The following ITCH variants were observed in gnomAD, a reference collection of about 807,000 sequenced individuals.
The protein encoded by ITCH is E3 ubiquitin-protein ligase Itchy homolog.
Under a neutral mutation model 126.8 loss-of-function variants are expected in ITCH, and 28 were observed. That is an observed-to-expected ratio of 0.22 (90% confidence interval 0.16 to 0.30). The LOEUF is 0.30. ITCH is among the 10% of genes least tolerant of loss of function. The probability of loss-of-function intolerance (pLI) is 1.00; values close to 1 mark genes in which losing one functional copy is unlikely to be tolerated. For missense variants in ITCH, 631 were observed against 1,032.4 expected, an observed-to-expected ratio of 0.61 and a Z score of 5.33; for synonymous variants, 342 against 340.0, an observed-to-expected ratio of 1.01 and a Z score of -0.06.
intron 16 of ITCH, among the ~76,000 whole-genome samples, chr20:34,472,562 A>G (rs1189366486): frequency 6.6e-6 from 1 of 152,206 alleles, no homozygotes; most frequent in Non-Finnish European, 1.5e-5. Context: ...CAGATGTGGA[A>G]GTGATTATTT....
At chr20:34,503,870 G>GTTTGTTT (rs1990433534) in intron 23 of ITCH, among the ~76,000 whole-genome samples, 1 of 56,048 alleles carries the variant, frequency 1.8e-5, no homozygotes, top group Non-Finnish European at 3.8e-5. Flanking sequence ...TTTTTTTTTG[G>GTTTGTTT]TTTTTTTTTT....
rs1310346397 is a variant in ITCH at position 34,442,250 on chromosome 20, A to G, written c.912A>G (p.Val304=). The change falls in exon 10 of 25, where the codon GTA becomes GTG. Residue 304 remains valine (V), a synonymous_variant. Transcript: ENST00000374864. The part of the protein sequence containing the change: ...RVDQHGRVYY[V]DHVEKRTTWD... ...ACCAGCACGGGCGAGTTTACTATGT[A>G]GATCATGTTGAGAAAAGAACAACAT... 3.7e-6 allele frequency: 6 copies of G among 1,614,112 alleles called. No homozygotes were observed. The highest frequency in any genetic ancestry group is 2.2e-5 in the South Asian group (2 of 91,088).
intron 1 of ITCH, 44 bp from the exon 2 acceptor site, chr20:34,369,350 A>AAAG: frequency 2.5e-6 from 1 of 398,748 alleles, no homozygotes; most frequent in Non-Finnish European, 4.4e-6. Context: ...ACAAACAAAA[A>AAAG]AATATAGAAG....
intron 3 of ITCH, among the ~76,000 whole-genome samples, chr20:34,408,392 T>C (rs567096848): frequency 1.3e-5 from 2 of 152,222 alleles, no homozygotes; most frequent in African/African-American, 4.8e-5. Flanking sequence ...TACTTTTTAA[T>C]TGATCTGAGT....
chr20:34,387,638 CCT>C (rs1011379312), intron 2 of ITCH, among the ~76,000 whole-genome samples: 2 of 151,886 alleles, frequency 1.3e-5, no homozygotes, highest in African/African-American at 4.8e-5. Context: ...AAAAAAAGAC[CCT>C]GTTTTGAGTT....
At chr20:34,502,444 C>T (rs1990317099) in intron 23 of ITCH, among the ~76,000 whole-genome samples, 1 of 152,070 alleles carries the variant, frequency 6.6e-6, no homozygotes, top group South Asian at 2.1e-4. Context: ...GGTACAGTGA[C>T]TCACACCTGT....
At chr20:34,474,018 G>A (rs371191713) in intron 16 of ITCH, among the ~76,000 whole-genome samples, 119 of 152,170 alleles carry the variant, frequency 7.8e-4, no homozygotes, top group African/African-American at 2.8e-3. Context: ...TATCTTCTAG[G>A]TAAACAGATG....
chr20:34,418,869 C>T (rs992968402), intron 6 of ITCH, among the ~76,000 whole-genome samples: 4 of 144,922 alleles, frequency 2.8e-5, no homozygotes, highest in Non-Finnish European at 4.5e-5. Flanking sequence ...TCAAGCAATT[C>T]TCCTGCCTCA....
chr20:34,441,164 C>T (rs548319617), intron 9 of ITCH, among the ~76,000 whole-genome samples: 15 of 151,920 alleles, frequency 9.9e-5, no homozygotes, highest in African/African-American at 2.4e-4. Context: ...CCCAGCTACT[C>T]GGGAGGCTGA....
At position 34,402,752 on chromosome 20, in the gene ITCH, C is replaced by T. The variant is rs369902832; in HGVS notation, c.71-5899C>T. On this transcript the variant is annotated intron_variant, in intron 3 of 24. Transcript: ENST00000374864. ...ATTTCAAATCTCATGTTGACCTCAG[C>T]TTCTCCACCGGGTTGTTGGCTCATC... 30 of 311,276 alleles carry T rather than the reference C, an allele frequency of 9.6e-5. No individual in the cohort carries two copies. The South Asian group carries it at 1.2e-3, about 13-fold the overall frequency. The allele number at this position is 311,276 out of a possible 1,614,324, so 19.3% of individuals were successfully genotyped here.
chr20:34,494,819 C>T lies in ITCH; in HGVS notation c.2416+2222C>T, dbSNP rs896511331. On this transcript the variant is annotated intron_variant, in intron 23 of 24. Transcript: ENST00000374864. ...ACAGAAAATTTAGAAGTTAGCTGAGCGTGGTGGTACATGCCTGTAGTCCCT... is the reference window on the plus strand; with the variant it reads ...ACAGAAAATTTAGAAGTTAGCTGAGTGTGGTGGTACATGCCTGTAGTCCCT... 1.3e-4 allele frequency among the ~76,000 whole-genome samples: 19 copies of T among 151,776 alleles called. 1 individual carries two copies. Among genetic ancestry groups the T allele is most frequent in the African/African-American group, 3.9e-4 (16 of 41,390 alleles).
At chr20:34,376,662 G>A (rs1355217997) in intron 2 of ITCH, among the ~76,000 whole-genome samples, 1 of 151,952 alleles carries the variant, frequency 6.6e-6, no homozygotes, top group Non-Finnish European at 1.5e-5. Flanking sequence ...CTGGTAATAG[G>A]CAAAAGTTTT....
At chr20:34,483,256 T>C (rs1988883679) in intron 20 of ITCH, among the ~76,000 whole-genome samples, 1 of 152,226 alleles carries the variant, frequency 6.6e-6, no homozygotes, top group South Asian at 2.1e-4. Flanking sequence ...CTTATGCAAA[T>C]TTCTGTAGCC....
intron 12 of ITCH, chr20:34,454,361 TCTC>T (rs1163571562): frequency 2.0e-5 from 3 of 151,864 alleles, no homozygotes; most frequent in African/African-American, 7.3e-5. Context: ...ATGGTCTCGA[TCTC>T]CTGACCTCGT....
chr20:34,375,696 ATTTTTTTTTTTTTTTTTTTTTT>A (rs5841171), intron 2 of ITCH, among the ~76,000 whole-genome samples: 52 of 65,564 alleles, frequency 7.9e-4, no homozygotes, highest in Non-Finnish European at 5.1e-4. Context: ...GGTAGTTAAA[ATTTTTTTTTTTTTTTTTTTTTT>A]TTTTTTTTTT....
At position 34,511,711 on chromosome 20, in the gene ITCH, A is replaced by T. The variant is rs1978830222; in HGVS notation, c.*3917A>T. ...AAAACTACAAAGTTTTCCAGAGCTT[A>T]TTTACATTATAAGCTATATGTCTAC... On this transcript the variant is annotated 3_prime_UTR_variant, in exon 25 of 25. Transcript: ENST00000374864. Among the ~76,000 whole-genome samples the T allele has an allele frequency of 6.6e-6, 1 of 152,230 alleles. No individual in the cohort carries two copies. Among genetic ancestry groups the T allele is most frequent in the Non-Finnish European group, 1.5e-5 (1 of 68,032 alleles).
In ITCH at chr20:34,510,798, C is replaced by T. The variant is rs1403255439; in HGVS notation, c.*3004C>T. On this transcript the variant is annotated 3_prime_UTR_variant, in exon 25 of 25. Coordinates refer to ENST00000374864, the MANE Select transcript of ITCH (RefSeq NM_031483.7). ...AGGAGTTCAAATCCTGCCTGGGCAACATAGCAAGACCCTGTCTCTTAAAAA... is the reference window on the plus strand; with the variant it reads ...AGGAGTTCAAATCCTGCCTGGGCAATATAGCAAGACCCTGTCTCTTAAAAA... 1.3e-5 allele frequency: 2 copies of T among 152,090 alleles called. No homozygotes were observed. Among genetic ancestry groups the T allele is most frequent in the South Asian group, 2.1e-4 (1 of 4,828 alleles). 9.4% of individuals were successfully genotyped at this position (152,090 alleles called of 1,614,324 possible). A position where few individuals can be genotyped will look rare whatever the true frequency, so the allele number is the denominator to read the frequency against.
intron 6 of ITCH, among the ~76,000 whole-genome samples, chr20:34,416,760 C>T (rs967276868): frequency 1.3e-5 from 2 of 151,652 alleles, no homozygotes; most frequent in Admixed American, 6.6e-5. Flanking sequence ...CTTTATATTC[C>T]CCTACTTTCA....
chr20:34,424,055 G>GC (rs764874532), intron 6 of ITCH, among the ~76,000 whole-genome samples: 7 of 152,210 alleles, frequency 4.6e-5, no homozygotes, highest in Non-Finnish European at 7.4e-5. Context: ...TGTTTTCCAG[G>GC]CCCCTGCAAT....
Sources: gnomAD v4.1 joint callset for allele counts (sites outside exome capture counted in the v4.1 genomes callset) on GRCh38, gnomAD v4.1.1 for gene constraint, MANE v1.5 for transcripts, NCBI Gene and HGNC (gene_info 2026-07-23, HGNC 2026-07-21) for gene names.